Variants in COL22A1 observed in about 807,000 individuals in gnomAD.
COL22A1 encodes the protein collagen type XXII alpha 1 chain.
A neutral mutation model predicts 248.9 loss-of-function variants in COL22A1; 221 were observed. The observed-to-expected ratio is 0.89, with a 90% CI of 0.80 to 0.99. COL22A1 has a LOEUF of 0.99. Among genes scored for constraint, COL22A1 ranks in the 50% least tolerant of loss-of-function variants. The pLI is 0.00. For synonymous variants in COL22A1, 891 were observed against 793.4 expected (o/e 1.12, Z -2.07); for missense variants, 2,240 against 2,179.0 (o/e 1.03, Z -0.56).
chr8:138,617,425 T>G (rs1018585721), intron 53 of COL22A1, among the ~76,000 whole-genome samples: 1 of 152,068 alleles, frequency 6.6e-6, no homozygotes, highest in Admixed American at 6.5e-5. Context: ...CACCCCTGAG[T>G]AGGTTCAGCT....
intron 18 of COL22A1, among the ~76,000 whole-genome samples, chr8:138,759,279 T>C (rs1833259538): frequency 6.6e-6 from 1 of 152,210 alleles, no homozygotes; most frequent in African/African-American, 2.4e-5. Context: ...CTCCCATATT[T>C]AGAGCATATG....
intron 56 of COL22A1, among the ~76,000 whole-genome samples, chr8:138,613,251 A>T (rs1424934491): frequency 6.6e-6 from 1 of 151,528 alleles, no homozygotes; most frequent in Non-Finnish European, 1.5e-5. Context: ...CCGTTTCAAA[A>T]AAAAAAAAAA....
rs912487825 is a variant in COL22A1 at position 138,877,738 on chromosome 8, G to A, written c.658+12C>T. The A allele has an allele frequency of 1.4e-5, 22 of 1,562,004 alleles. No homozygotes were observed. The Admixed American group carries it at 1.6e-4, about 11-fold the overall frequency. On this transcript the variant is annotated intron_variant, in intron 3 of 64. Coordinates refer to ENST00000303045, the MANE Select transcript of COL22A1 (RefSeq NM_152888.3). ...TCTTGGGAGGGGCCGCATGGGGCCC[G>A]GGCGCACTCACTTTCACAAAGACGG...
chr8:138,644,653 C>A (rs1822033833), intron 47 of COL22A1, among the ~76,000 whole-genome samples: 1 of 152,178 alleles, frequency 6.6e-6, no homozygotes. Flanking sequence ...TTTAAAAACT[C>A]CACCCTTGGA....
intron 3 of COL22A1, 86 bp from the exon 4 acceptor site, chr8:138,844,244 C>T (rs1376583212): frequency 1.6e-6 from 2 of 1,249,762 alleles, no homozygotes; most frequent in East Asian, 2.3e-5. Context: ...CAAGACCCCA[C>T]CCTGCCTTGC....
chr8:138,632,693 T>G (rs1178291031), intron 49 of COL22A1, among the ~76,000 whole-genome samples: 1 of 152,172 alleles, frequency 6.6e-6, no homozygotes, highest in East Asian at 1.9e-4. Context: ...TTATTTTCCA[T>G]GTATGACAAA....
intron 1 of COL22A1, among the ~76,000 whole-genome samples, chr8:138,892,233 G>T (rs151327401): frequency 6.6e-6 from 1 of 152,216 alleles, no homozygotes; most frequent in Non-Finnish European, 1.5e-5. Flanking sequence ...AGAAATAAAT[G>T]GAGTGTTCAT....
At chr8:138,910,490 A>G (rs938741130) in intron 1 of COL22A1, among the ~76,000 whole-genome samples, 2 of 152,112 alleles carry the variant, frequency 1.3e-5, no homozygotes, top group South Asian at 4.1e-4. Context: ...AGTCATTCCC[A>G]CTTCCCAGAA....
At chr8:138,669,297 GGGAGTGCC>G (rs1824801728) in intron 41 of COL22A1, among the ~76,000 whole-genome samples, 1 of 152,204 alleles carries the variant, frequency 6.6e-6, no homozygotes, top group South Asian at 2.1e-4. Flanking sequence ...ATGGAGAGCA[GGGAGTGCC>G]GAAGAGGGCT....
chr8:138,745,090 G>C (rs2131307921), intron 22 of COL22A1, among the ~76,000 whole-genome samples: 1 of 152,272 alleles, frequency 6.6e-6, no homozygotes, highest in South Asian at 2.1e-4. Flanking sequence ...CTCACTGTGA[G>C]TCTCAAAGAT....
Position 138,755,152 on chromosome 8 carries a change from C to T in COL22A1, c.2031+5G>A. 2 of 1,614,120 alleles carry T rather than the reference C, an allele frequency of 1.2e-6. No individual in the cohort carries two copies. The highest frequency in any genetic ancestry group is 1.3e-5 in the African/African-American group (1 of 75,068). On this transcript the variant is annotated splice_donor_5th_base_variant and intron_variant, in intron 21 of 64. Coordinates refer to ENST00000303045, the MANE Select transcript of COL22A1 (RefSeq NM_152888.3). ...CAAACCCTGCGCAGGAGAGGGACAA[C>T]TTACCCGAGCTCCTGGAGGACCGGG...
At chr8:138,744,149 C>T (rs1178948971) in intron 22 of COL22A1, among the ~76,000 whole-genome samples, 2 of 152,116 alleles carry the variant, frequency 1.3e-5, no homozygotes, top group Admixed American at 6.5e-5. Context: ...ACACTGTTAC[C>T]ACCTGGTAGA....
At chr8:138,901,125 T>C (rs922072660) in intron 1 of COL22A1, among the ~76,000 whole-genome samples, 1 of 151,160 alleles carries the variant, frequency 6.6e-6, no homozygotes. Flanking sequence ...ACAGCTAGCA[T>C]GTTCACAGAT....
intron 41 of COL22A1, among the ~76,000 whole-genome samples, chr8:138,674,271 A>T (rs1289405689): frequency 6.6e-6 from 1 of 152,176 alleles, no homozygotes; most frequent in African/African-American, 2.4e-5. Context: ...ACTTCTCAGC[A>T]AATGGCAATG....
chr8:138,755,208 T>A lies in COL22A1; in HGVS notation c.1980A>T (p.Gly660=). 6.2e-7 allele frequency: 1 copy of A among 1,613,992 alleles called. No homozygotes were observed. Among genetic ancestry groups the A allele is most frequent in the Non-Finnish European group, 8.5e-7 (1 of 1,179,960 alleles). Residue 660 remains glycine (G), a splice_region_variant and synonymous_variant, in exon 21 of 65, where the codon GGA becomes GGT. Transcript: ENST00000303045. The stretch of plus-strand genomic sequence containing the variant: ...CTTGGTGACCTCTGGGTCCTGGAGC[T>A]CCCTGGTAACACAAGCCAAACAGAT... ...VQQEGLKGEQ[G]APGPRGHQGA... is the part of the protein sequence containing the mutation.
At chr8:138,620,140 C>T (rs1225354705) in intron 52 of COL22A1, 1 of 152,428 alleles carries the variant, frequency 6.6e-6, no homozygotes, top group African/African-American at 2.4e-5. Context: ...CAGAACCAAA[C>T]CAGGAACAGA....
intron 23 of COL22A1, among the ~76,000 whole-genome samples, chr8:138,730,769 C>G (rs535891013): frequency 2.0e-5 from 3 of 151,688 alleles, no homozygotes; most frequent in Non-Finnish European, 4.4e-5. Context: ...AGGAGCATCT[C>G]GAAAAGTGGG....
chr8:138,637,469 C>T (rs1821294740), intron 47 of COL22A1, among the ~76,000 whole-genome samples: 1 of 152,062 alleles, frequency 6.6e-6, no homozygotes, highest in Non-Finnish European at 1.5e-5. Context: ...TTGTAACCTA[C>T]AAGAACAAGA....
intron 30 of COL22A1, among the ~76,000 whole-genome samples, chr8:138,709,975 T>A (rs923216811): frequency 5.3e-5 from 8 of 152,160 alleles, no homozygotes; most frequent in Non-Finnish European, 1.2e-4. Context: ...CCCACCCCCA[T>A]GAAGGAGTGG....
Sources: allele counts gnomAD v4.1 joint callset (sites outside exome capture counted in the v4.1 genomes callset), GRCh38; gene constraint gnomAD v4.1.1; transcripts MANE v1.5; gene names NCBI Gene and HGNC (gene_info 2026-07-23, HGNC 2026-07-21).